VGLL3: variants seen among roughly 807,000 people sequenced by gnomAD.
The protein encoded by VGLL3 is vestigial like family member 3.
VGLL3 carries 18 observed loss-of-function variants against 29.2 expected under a neutral mutation model. The observed-to-expected ratio is 0.62, with a 90% confidence interval of 0.43 to 0.91. The LOEUF (loss-of-function observed/expected upper bound fraction) is 0.91. Among genes scored for constraint, VGLL3 ranks in the 40% least tolerant of loss-of-function variants. The probability of loss-of-function intolerance (pLI) is 0.00; values close to 1 mark genes in which losing one functional copy is unlikely to be tolerated. For synonymous variants in VGLL3, 180 were observed against 151.8 expected, an observed-to-expected ratio of 1.19 and a Z score of -1.36; for missense variants, 440 against 413.2, an observed-to-expected ratio of 1.06 and a Z score of -0.56.
rs1444339762 is a variant in VGLL3 at position 86,946,638 on chromosome 3, A to T, written c.*386T>A. 6.2e-6 allele frequency: 1 copy of T among 160,682 alleles called. No homozygotes were observed. Among genetic ancestry groups the T allele is most frequent in the Non-Finnish European group, 1.4e-5 (1 of 73,856 alleles). The allele number at this position is 160,682 out of a possible 1,614,324, so 10.0% of individuals were successfully genotyped here. A position where few individuals can be genotyped will look rare whatever the true frequency, so the allele number is the denominator to read the frequency against. ...TGTATTTCTACAAAAATAGATGCAC[A>T]TAGAGCTACAAACTTGTATTCCTGA... is the stretch of plus-strand genomic sequence containing the variant. On this transcript the variant is annotated 3_prime_UTR_variant, in exon 4 of 4. Coordinates refer to ENST00000398399, the MANE Select transcript of VGLL3 (RefSeq NM_016206.4).
intron 3 of VGLL3, among the ~76,000 whole-genome samples, chr3:86,964,199 A>G (rs1295530633): frequency 6.6e-6 from 1 of 152,206 alleles, no homozygotes. Context: ...GAACACAACT[A>G]TCTTCATATA....
intron 3 of VGLL3, among the ~76,000 whole-genome samples, chr3:86,967,843 A>C (rs887759057): frequency 1.3e-5 from 2 of 152,232 alleles, no homozygotes; most frequent in Non-Finnish European, 2.9e-5. Flanking sequence ...TTGACACAGA[A>C]CCTTCAGAAC....
At chr3:86,978,019 C>T (rs114175470) in intron 2 of VGLL3, among the ~76,000 whole-genome samples, 396 of 152,240 alleles carry the variant, frequency 2.6e-3, no homozygotes, top group Non-Finnish European at 4.9e-3. Flanking sequence ...TGCCAAAATG[C>T]CTAGAGTGTA....
At chr3:86,966,072 C>T (rs1182679415) in intron 3 of VGLL3, among the ~76,000 whole-genome samples, 1 of 152,080 alleles carries the variant, frequency 6.6e-6, no homozygotes, top group Admixed American at 6.6e-5. Flanking sequence ...TCAGCCCCTC[C>T]CACTGTCTCT....
At chr3:86,990,445 T>C (rs1215874187) in intron 1 of VGLL3, 173 bp downstream of exon 1, 1 of 977,668 alleles carries the variant, frequency 1.0e-6, no homozygotes, top group African/African-American at 1.8e-5. Context: ...CCGTCCACCC[T>C]GCTGCTCTCC....
At chr3:86,963,826 T>C (rs1704906026) in intron 3 of VGLL3, among the ~76,000 whole-genome samples, 1 of 152,214 alleles carries the variant, frequency 6.6e-6, no homozygotes, top group South Asian at 2.1e-4. Context: ...GTGGCAGAGC[T>C]GGGCTGACAA....
chr3:86,972,017 T>C (rs567052599), intron 2 of VGLL3, among the ~76,000 whole-genome samples: 1 of 152,166 alleles, frequency 6.6e-6, no homozygotes, highest in African/African-American at 2.4e-5. Flanking sequence ...AAATCCACCA[T>C]TAAGATGTCA....
Position 86,955,038 on chromosome 3 carries a change from A to G in VGLL3, c.938-7971T>C, listed in dbSNP as rs1374396357. 3.3e-5 allele frequency among the ~76,000 whole-genome samples: 5 copies of G among 152,298 alleles called. No homozygotes were observed. The South Asian group carries it at 6.2e-4, about 19-fold the overall frequency. On this transcript the variant is annotated intron_variant, in intron 3 of 3. Transcript: ENST00000398399. ...GCATCTTTAAAGAGGTTTCTAGGTT[A>G]TGCAGTGACAGCTTTACAGTCCAGA...
Position 86,970,465 on chromosome 3 carries a change from G to A in VGLL3, c.404-1342C>T, listed in dbSNP as rs116727829. 8.8e-3 allele frequency among the ~76,000 whole-genome samples: 1,171 copies of A among 133,272 alleles called. 9 individuals carry two copies. Among genetic ancestry groups the A allele is most frequent in the African/African-American group, 0.03 (1,131 of 37,084 alleles). 87.4% of individuals were successfully genotyped at this position (133,272 alleles called of 152,430 possible). A position where few individuals can be genotyped will look rare whatever the true frequency, so the allele number is the denominator to read the frequency against. On this transcript the variant is annotated intron_variant, in intron 2 of 3. Transcript: ENST00000398399. ...CAAATGGATCAGCACATAAGAAAAG[G>A]CCATATATTACACACACGCACACAC...
intron 2 of VGLL3, among the ~76,000 whole-genome samples, chr3:86,970,079 A>G (rs1251103140): frequency 1.3e-5 from 2 of 152,202 alleles, no homozygotes; most frequent in African/African-American, 4.8e-5. Flanking sequence ...AAATTCAAGT[A>G]GAAGTCATGG....
intron 3 of VGLL3, among the ~76,000 whole-genome samples, chr3:86,956,513 G>T (rs550768052): frequency 6.6e-6 from 1 of 152,152 alleles, no homozygotes; most frequent in Non-Finnish European, 1.5e-5. Flanking sequence ...TTGGCCTGGC[G>T]CAGTGGCTCA....
At chr3:86,951,489 G>A (rs918633486) in intron 3 of VGLL3, among the ~76,000 whole-genome samples, 3 of 152,048 alleles carry the variant, frequency 2.0e-5, no homozygotes, top group African/African-American at 4.8e-5. Context: ...AGTACCTGGG[G>A]GCTAAGATTT....
intron 3 of VGLL3, among the ~76,000 whole-genome samples, chr3:86,951,168 C>T (rs562141488): frequency 6.6e-6 from 1 of 152,232 alleles, no homozygotes; most frequent in Non-Finnish European, 1.5e-5. Context: ...AGTGAGAAGT[C>T]TTGGTCAAGG....
intron 2 of VGLL3, among the ~76,000 whole-genome samples, chr3:86,970,675 A>G (rs540077290): frequency 3.3e-5 from 5 of 152,270 alleles, no homozygotes; most frequent in African/African-American, 1.2e-4. Context: ...GCAGGGTCTC[A>G]ATGGGCTTTG....
In VGLL3 at chr3:86,990,619, T is replaced by G. The variant is rs1705563303; in HGVS notation, c.125A>C (p.Gln42Pro). ...CAGGCTGCCCGTCCGGTGACTCACC[T>G]GCTGGCCAGGTTGGGGCGCCGGCTG... ...YYQPAPQPGQQKKLAVFSKMQ... is the reference protein window; with the variant it reads ...YYQPAPQPGQPKKLAVFSKMQ... The change falls in exon 1 of 4, where the codon CAG (glutamine) becomes CCG (proline). Residue 42 changes from glutamine (Q) to proline (P), a missense_variant and splice_region_variant. Physicochemically the swap from Gln to Pro is moderately conservative, Grantham distance 76. Transcript: ENST00000398399. The G allele has an allele frequency of 7.4e-7, 1 of 1,354,636 alleles. No homozygotes were observed. The highest frequency in any genetic ancestry group is 1.5e-5 in the African/African-American group (1 of 66,576). 83.9% of individuals were successfully genotyped at this position (1,354,636 alleles called of 1,614,324 possible). A position where few individuals can be genotyped will look rare whatever the true frequency, so the allele number is the denominator to read the frequency against.
chr3:86,980,537 T>G lies in VGLL3; in HGVS notation c.127-1735A>C, dbSNP rs1224253865. 3.3e-5 allele frequency among the ~76,000 whole-genome samples: 5 copies of G among 152,290 alleles called. No homozygotes were observed. In the Middle Eastern group the frequency reaches 0.01, roughly 311 times the overall value. On this transcript the variant is annotated intron_variant, in intron 1 of 3. Coordinates refer to ENST00000398399, the MANE Select transcript of VGLL3 (RefSeq NM_016206.4). ...TGTGCCTTGCTGATGAATAGATGAT[T>G]GCTTTTATTTCTCATAATCTACCTC... is the stretch of plus-strand genomic sequence containing the variant.
At chr3:86,962,349 G>C (rs375173666) in intron 3 of VGLL3, 1 of 985,174 alleles carries the variant, frequency 1.0e-6, no homozygotes. Flanking sequence ...CAAAATATGG[G>C]GTGGCATACA....
chr3:86,955,976 A>T (rs1455249426), intron 3 of VGLL3, among the ~76,000 whole-genome samples: 2 of 152,238 alleles, frequency 1.3e-5, no homozygotes, highest in Non-Finnish European at 2.9e-5. Context: ...AATTCAGAAC[A>T]TGTTGCCTGC....
intron 3 of VGLL3, among the ~76,000 whole-genome samples, chr3:86,948,584 AAATT>A (rs55658280): frequency 0.58 from 87,350 of 151,186 alleles, 25,595 homozygotes; most frequent in Middle Eastern, 0.67. Flanking sequence ...TAATAATAAT[AAATT>A]AATTAATTTT....
Sources: gnomAD v4.1 joint callset for allele counts (sites outside exome capture counted in the v4.1 genomes callset) on GRCh38, gnomAD v4.1.1 for gene constraint, MANE v1.5 for transcripts, NCBI Gene and HGNC (gene_info 2026-07-23, HGNC 2026-07-21) for gene names.